The following TRAPPC12 variants were observed in gnomAD, a reference collection of about 807,000 sequenced individuals.
TRAPPC12 encodes the protein TPR repeat protein 15.
TRAPPC12 carries 61 observed loss-of-function variants against 69.2 expected under a neutral mutation model. The observed-to-expected ratio is 0.88, with a 90% CI of 0.72 to 1.09. The LOEUF (loss-of-function observed/expected upper bound fraction) is 1.09, where lower values mean the gene tolerates loss of function less well. Ranked by LOEUF, TRAPPC12 falls within the 50% of genes least tolerant of loss-of-function variation. The pLI is 0.00. For synonymous variants in TRAPPC12, 469 were observed against 438.9 expected (o/e 1.07, Z -0.86); for missense variants, 1,101 against 1,016.4 (o/e 1.08, Z -1.13).
Position 3,436,972 on chromosome 2 carries a change from C to T in TRAPPC12, c.1418-6807C>T, listed in dbSNP as rs573298037. Among the ~76,000 whole-genome samples, 99 of 118,666 alleles carry T rather than the reference C, an allele frequency of 8.3e-4. 1 individual carries two copies. The highest frequency in any genetic ancestry group is 3.2e-3 in the African/African-American group (94 of 29,658). The allele number at this position is 118,666 out of a possible 152,430, so 77.8% of individuals were successfully genotyped here. On this transcript the variant is annotated intron_variant, in intron 5 of 11. Transcript: ENST00000324266. Reference sequence around the variant, plus strand: ...CCCAATCACCCCTGGATTAATCCCCCAATCACCCCTGGATTAATCCCCCCA... The same window carrying T: ...CCCAATCACCCCTGGATTAATCCCCTAATCACCCCTGGATTAATCCCCCCA...
chr2:3,395,033 G>GT (rs1661042540), intron 2 of TRAPPC12, among the ~76,000 whole-genome samples: 1 of 152,120 alleles, frequency 6.6e-6, no homozygotes, highest in South Asian at 2.1e-4. Flanking sequence ...TTTCTCTTGG[G>GT]TAAAAACTTA....
chr2:3,479,523 G>T lies in TRAPPC12; in HGVS notation c.*62G>T. The T allele has an allele frequency of 2.5e-6, 4 of 1,577,468 alleles. 1 individual carries two copies. In the South Asian group the frequency reaches 4.7e-5, roughly 19 times the overall value. ...TTTGAAACTGTGTCTTGAAGCTAAT[G>T]TATTAATGTGACATGGAGGAACTCA... On this transcript the variant is annotated 3_prime_UTR_variant, in exon 12 of 12. Coordinates refer to ENST00000324266, the MANE Select transcript of TRAPPC12 (RefSeq NM_016030.6).
chr2:3,459,242 C>T (rs975809897), intron 7 of TRAPPC12, among the ~76,000 whole-genome samples: 30 of 152,202 alleles, frequency 2.0e-4, no homozygotes, highest in African/African-American at 7.0e-4. Flanking sequence ...CCCAGGGTGG[C>T]ATCTTGGCAC....
chr2:3,419,986 C>T (rs1048781578), intron 3 of TRAPPC12, among the ~76,000 whole-genome samples: 1 of 152,248 alleles, frequency 6.6e-6, no homozygotes, highest in Non-Finnish European at 1.5e-5. Flanking sequence ...TTAGGTACAA[C>T]CCAGCAATCC....
At chr2:3,423,447 C>T (rs573084756) in intron 4 of TRAPPC12, among the ~76,000 whole-genome samples, 118 of 152,098 alleles carry the variant, frequency 7.8e-4, no homozygotes, top group African/African-American at 2.7e-3. Context: ...TTATTCCTTG[C>T]GTCACTGGAT....
intron 3 of TRAPPC12, among the ~76,000 whole-genome samples, chr2:3,421,246 A>T (rs2103053221): frequency 6.6e-6 from 1 of 152,352 alleles, no homozygotes; most frequent in East Asian, 1.9e-4. Flanking sequence ...AGATAAACAC[A>T]AGAGTCTGTA....
intron 1 of TRAPPC12, among the ~76,000 whole-genome samples, chr2:3,380,344 A>G (rs1660150291): frequency 1.3e-5 from 2 of 152,354 alleles, no homozygotes; most frequent in South Asian, 2.1e-4. Context: ...GCTGCAATGC[A>G]GTGTAAAAGC....
chr2:3,425,420 C>T (rs1663046132), intron 5 of TRAPPC12, among the ~76,000 whole-genome samples: 2 of 152,166 alleles, frequency 1.3e-5, no homozygotes, highest in South Asian at 4.2e-4. Flanking sequence ...ATCCTGCTTC[C>T]CCCATTGAAT....
chr2:3,388,270 G>A lies in TRAPPC12; in HGVS notation c.647G>A (p.Ser216Asn). The A allele has an allele frequency of 6.2e-7, 1 of 1,607,906 alleles. No individual in the cohort carries two copies. Among genetic ancestry groups the A allele is most frequent in the Non-Finnish European group, 8.5e-7 (1 of 1,177,070 alleles). The change falls in exon 2 of 12, where the codon AGC becomes AAC. Residue 216 changes from serine to asparagine, a missense_variant. Coordinates refer to ENST00000324266, the MANE Select transcript of TRAPPC12 (RefSeq NM_016030.6). Reference sequence around the variant, plus strand: ...ACGTTCTTCGGAGACACGGCCGCCAGCCACTCCTTGGCCTCGGACTTCTTC... The same window carrying A: ...ACGTTCTTCGGAGACACGGCCGCCAACCACTCCTTGGCCTCGGACTTCTTC... ...LSTFFGDTAA[S>N]HSLASDFFDS...
chr2:3,452,089 G>A (rs945543438), intron 6 of TRAPPC12, among the ~76,000 whole-genome samples: 3 of 152,192 alleles, frequency 2.0e-5, no homozygotes, highest in Non-Finnish European at 1.5e-5. Flanking sequence ...TCCTGAGGTT[G>A]CAGTTAAGAT....
intron 2 of TRAPPC12, 184 bp downstream of exon 2, chr2:3,388,854 A>G (rs1660662765): frequency 5.1e-6 from 3 of 586,852 alleles, no homozygotes; most frequent in Non-Finnish European, 8.6e-6. Context: ...TCCCCAACAG[A>G]ACATATTTAA....
intron 3 of TRAPPC12, 163 bp from the exon 4 acceptor site, chr2:3,421,718 C>T (rs879911760): frequency 4.8e-5 from 35 of 727,482 alleles, no homozygotes; most frequent in Non-Finnish European, 8.4e-5. Flanking sequence ...AATGGCATGC[C>T]CCTCCGTGCC....
chr2:3,473,187 G>T (rs937766099), intron 9 of TRAPPC12, among the ~76,000 whole-genome samples: 5 of 152,172 alleles, frequency 3.3e-5, no homozygotes, highest in South Asian at 2.1e-4. Flanking sequence ...AGCAGGTGAG[G>T]GGGGGTCAGG....
At chr2:3,478,308 G>T (rs1212922043) in intron 10 of TRAPPC12, among the ~76,000 whole-genome samples, 1 of 152,216 alleles carries the variant, frequency 6.6e-6, no homozygotes, top group African/African-American at 2.4e-5. Context: ...AAGTCATTTA[G>T]GTGAAGTTAC....
intron 1 of TRAPPC12, among the ~76,000 whole-genome samples, chr2:3,382,505 C>G (rs1471422193): frequency 6.6e-6 from 1 of 152,154 alleles, no homozygotes; most frequent in Admixed American, 6.5e-5. Flanking sequence ...TCATAGCTTA[C>G]ACTGCTCATG....
chr2:3,425,433 C>T (rs918585490), intron 5 of TRAPPC12, among the ~76,000 whole-genome samples: 1 of 152,204 alleles, frequency 6.6e-6, no homozygotes, highest in African/African-American at 2.4e-5. Flanking sequence ...CATTGAATCG[C>T]GTAGCCTTGG....
chr2:3,426,395 C>T (rs997263412), intron 5 of TRAPPC12, among the ~76,000 whole-genome samples: 4 of 152,226 alleles, frequency 2.6e-5, no homozygotes, highest in Admixed American at 2.0e-4. Context: ...ACGTAGACGC[C>T]AGTCCTTAAT....
intron 2 of TRAPPC12, among the ~76,000 whole-genome samples, chr2:3,393,583 G>A (rs1007111898): frequency 4.6e-5 from 7 of 151,556 alleles, no homozygotes; most frequent in Non-Finnish European, 1.5e-5. Context: ...AGTACACAAT[G>A]TCTATTTATA....
chr2:3,460,419 A>G (rs1194641363), intron 8 of TRAPPC12, 83 bp downstream of exon 8: 1 of 781,188 alleles, frequency 1.3e-6, no homozygotes, highest in Non-Finnish European at 2.2e-6. Flanking sequence ...CTGGTATAAT[A>G]GATGCTGGCA....
Sources: allele counts gnomAD v4.1 joint callset (sites outside exome capture counted in the v4.1 genomes callset), GRCh38; gene constraint gnomAD v4.1.1; transcripts MANE v1.5; gene names NCBI Gene and HGNC (gene_info 2026-07-23, HGNC 2026-07-21).